Variants in MCPH1 observed in about 807,000 individuals in gnomAD.
MCPH1 encodes microcephalin.
MCPH1 carries 104 observed loss-of-function variants against 84.5 expected under a neutral mutation model. That is an observed-to-expected ratio of 1.23 (90% confidence interval 1.05 to 1.45). MCPH1 has a LOEUF of 1.45. Among genes scored for constraint, MCPH1 ranks in the 40% most tolerant of loss-of-function variants. The probability of loss-of-function intolerance (pLI) is 0.00; values close to 1 mark genes in which losing one functional copy is unlikely to be tolerated. For missense variants in MCPH1, 1,498 were observed against 1,005.7 expected (o/e 1.49, Z -6.62); for synonymous variants, 514 against 366.8 (o/e 1.40, Z -4.58).
chr8:6,462,439 G>A (rs1437332627), intron 9 of MCPH1, among the ~76,000 whole-genome samples: 1 of 152,180 alleles, frequency 6.6e-6, no homozygotes, highest in African/African-American at 2.4e-5. Context: ...CAGTGAACAT[G>A]TTTAAAACAT....
At chr8:6,578,502 G>GA (rs1470473697) in intron 12 of MCPH1, among the ~76,000 whole-genome samples, 1 of 152,160 alleles carries the variant, frequency 6.6e-6, no homozygotes, top group South Asian at 2.1e-4. Context: ...GATTAAAAGG[G>GA]AAAAATACTT....
At chr8:6,625,408 C>T (rs552821590) in intron 13 of MCPH1, 4 of 985,386 alleles carry the variant, frequency 4.1e-6, no homozygotes, top group Admixed American at 6.1e-5. Flanking sequence ...TTTTTCCTCC[C>T]GTTCATTTCC....
chr8:6,522,329 T>C (rs191857082), intron 12 of MCPH1, among the ~76,000 whole-genome samples: 2 of 151,430 alleles, frequency 1.3e-5, no homozygotes, highest in Non-Finnish European at 2.9e-5. Flanking sequence ...CACTCCAGCC[T>C]GGGCGACAGA....
intron 3 of MCPH1, among the ~76,000 whole-genome samples, chr8:6,422,502 G>A (rs951106288): frequency 6.6e-6 from 1 of 152,150 alleles, no homozygotes; most frequent in African/African-American, 2.4e-5. Flanking sequence ...CTACAATGGG[G>A]ATGGTCACTG....
intron 12 of MCPH1, among the ~76,000 whole-genome samples, chr8:6,557,903 G>A (rs1316505396): frequency 6.6e-6 from 1 of 152,068 alleles, no homozygotes; most frequent in Non-Finnish European, 1.5e-5. Context: ...TCATTTTGTG[G>A]CCAGATATGG....
chr8:6,533,075 C>T (rs1189672932), intron 12 of MCPH1, among the ~76,000 whole-genome samples: 1 of 152,198 alleles, frequency 6.6e-6, no homozygotes, highest in African/African-American at 2.4e-5. Context: ...TGAGTTAATT[C>T]GACCTATTAA....
At chr8:6,631,174 C>T (rs1223969388) in intron 13 of MCPH1, among the ~76,000 whole-genome samples, 1 of 152,198 alleles carries the variant, frequency 6.6e-6, no homozygotes, top group African/African-American at 2.4e-5. Flanking sequence ...CTGCAGGGAG[C>T]AGACCAGACA....
intron 11 of MCPH1, among the ~76,000 whole-genome samples, chr8:6,486,686 CCTT>C (rs1316995739): frequency 6.6e-6 from 1 of 152,182 alleles, no homozygotes; most frequent in Non-Finnish European, 1.5e-5. Context: ...TGTTTTTCCT[CCTT>C]CATGACTGAA....
chr8:6,639,152 C>T (rs1264672811), intron 13 of MCPH1, among the ~76,000 whole-genome samples: 3 of 152,048 alleles, frequency 2.0e-5, no homozygotes, highest in South Asian at 4.2e-4. Context: ...AGGATACATG[C>T]GTGGAAGGGT....
At chr8:6,480,551 C>A (rs1809077530) in intron 10 of MCPH1, among the ~76,000 whole-genome samples, 163 bp from the exon 11 acceptor site, 1 of 152,132 alleles carries the variant, frequency 6.6e-6, no homozygotes, top group African/African-American at 2.4e-5. Context: ...CCCCAGGTTT[C>A]AAAGCATTGA....
intron 12 of MCPH1, among the ~76,000 whole-genome samples, chr8:6,525,252 G>A (rs894092882): frequency 4.6e-5 from 7 of 152,090 alleles, no homozygotes; most frequent in Admixed American, 1.3e-4. Context: ...CCCCCTGATC[G>A]TTGTAAATTA....
chr8:6,627,873 CAG>C (rs1181237690), intron 13 of MCPH1, among the ~76,000 whole-genome samples: 2 of 151,876 alleles, frequency 1.3e-5, no homozygotes, highest in Non-Finnish European at 2.9e-5. Flanking sequence ...GCCTGTGCGA[CAG>C]AGTGAGAACC....
intron 12 of MCPH1, among the ~76,000 whole-genome samples, chr8:6,557,349 T>C (rs951783376): frequency 2.0e-5 from 3 of 152,126 alleles, no homozygotes; most frequent in Non-Finnish European, 4.4e-5. Flanking sequence ...ACTAGAGATA[T>C]TCTCGGGGCA....
chr8:6,644,269 T>A lies in MCPH1; in HGVS notation c.*1220T>A, dbSNP rs946473658. On this transcript the variant is annotated 3_prime_UTR_variant, in exon 14 of 14. Transcript: ENST00000344683. ...CAACAGAGTAACTCTCCTTCTCAAA[T>A]AAATAAATAAATAAATAAGAAACAC... 19 of 151,866 alleles carry A rather than the reference T, an allele frequency of 1.3e-4. No individual in the cohort carries two copies. The highest frequency in any genetic ancestry group is 4.6e-4 in the African/African-American group (19 of 41,390). 9.4% of individuals were successfully genotyped at this position (151,866 alleles called of 1,614,324 possible). A position where few individuals can be genotyped will look rare whatever the true frequency, so the allele number is the denominator to read the frequency against.
intron 13 of MCPH1, among the ~76,000 whole-genome samples, chr8:6,637,850 C>T (rs1232749886): frequency 6.6e-6 from 1 of 152,012 alleles, no homozygotes; most frequent in Non-Finnish European, 1.5e-5. Flanking sequence ...GGACCAGGGA[C>T]GTATCGATGG....
chr8:6,499,421 C>A (rs1408856043), intron 11 of MCPH1, among the ~76,000 whole-genome samples: 1 of 152,076 alleles, frequency 6.6e-6, no homozygotes, highest in Non-Finnish European at 1.5e-5. Flanking sequence ...AAGTCACAAG[C>A]CAAAGGGATT....
At chr8:6,552,114 C>CT (rs992148882) in intron 12 of MCPH1, among the ~76,000 whole-genome samples, 2 of 152,164 alleles carry the variant, frequency 1.3e-5, no homozygotes, top group African/African-American at 4.8e-5. Flanking sequence ...AATTCTGAAT[C>CT]TTTTCTACTA....
At chr8:6,603,550 C>T (rs373158169) in intron 12 of MCPH1, among the ~76,000 whole-genome samples, 91 of 152,280 alleles carry the variant, frequency 6.0e-4, no homozygotes, top group African/African-American at 1.7e-3. Context: ...ATTCTCTCCC[C>T]AGGGCCATTT....
chr8:6,469,748 T>A (rs1807466943), intron 9 of MCPH1, among the ~76,000 whole-genome samples: 1 of 152,228 alleles, frequency 6.6e-6, no homozygotes, highest in African/African-American at 2.4e-5. Flanking sequence ...GGTATATCTG[T>A]TTAACTTGAC....
Sources: allele counts gnomAD v4.1 joint callset (sites outside exome capture counted in the v4.1 genomes callset), GRCh38; gene constraint gnomAD v4.1.1; transcripts MANE v1.5; gene names NCBI Gene and HGNC (gene_info 2026-07-23, HGNC 2026-07-21).